The following NCOA7 variants were observed in gnomAD, a reference collection of about 807,000 sequenced individuals.
NCOA7 encodes the protein 140 kDa estrogen receptor-associated protein.
A neutral mutation model predicts 104.3 loss-of-function variants in NCOA7; 45 were observed. The ratio of observed to expected loss-of-function variants is 0.43; its 90% CI spans 0.34 to 0.55. The LOEUF (loss-of-function observed/expected upper bound fraction) is 0.55. Among genes scored for constraint, NCOA7 ranks in the 20% least tolerant of loss-of-function variants. The pLI is 0.02. For synonymous variants in NCOA7, 398 were observed against 402.3 expected, an observed-to-expected ratio of 0.99 and a Z score of 0.13; for missense variants, 1,041 against 1,119.7, an observed-to-expected ratio of 0.93 and a Z score of 1.00.
intron 2 of NCOA7, among the ~76,000 whole-genome samples, chr6:125,823,840 A>G (rs1778417685): frequency 1.3e-5 from 2 of 152,202 alleles, no homozygotes; most frequent in Admixed American, 1.3e-4. Context: ...TTAATGGAAC[A>G]GAACAGAATA....
upstream of NCOA7, among the ~76,000 whole-genome samples, chr6:125,789,764 C>T (rs1473076982): frequency 2.6e-5 from 4 of 152,240 alleles, no homozygotes; most frequent in African/African-American, 9.6e-5. Flanking sequence ...TTTGCTCCGC[C>T]TTCCAGAGAG....
At chr6:125,906,881 A>G (rs926231154) in intron 10 of NCOA7, among the ~76,000 whole-genome samples, 26 of 152,170 alleles carry the variant, frequency 1.7e-4, no homozygotes, top group African/African-American at 5.8e-4. Flanking sequence ...TAAACAAGGC[A>G]ACCCTAACCT....
chr6:125,818,322 C>G (rs1777795672), intron 2 of NCOA7, among the ~76,000 whole-genome samples: 1 of 152,114 alleles, frequency 6.6e-6, no homozygotes, highest in South Asian at 2.1e-4. Context: ...CAAAACTGTT[C>G]TGGAAGAGCA....
Position 125,885,293 on chromosome 6 carries a change from T to C in NCOA7, c.834T>C (p.Ile278=). 2 of 1,613,988 alleles carry C rather than the reference T, an allele frequency of 1.2e-6. 1 individual carries two copies. The highest frequency in any genetic ancestry group is 3.3e-5 in the Admixed American group (2 of 59,998). ...LICPMEEVVS[I]ALYNDISHMK... Reference sequence around the variant, plus strand: ...GCCCCATGGAAGAGGTTGTTTCCATTGCGCTCTACAATGACATTTCTCACA... The same window carrying C: ...GCCCCATGGAAGAGGTTGTTTCCATCGCGCTCTACAATGACATTTCTCACA... Residue 278 remains isoleucine (I), a synonymous_variant, in exon 8 of 16, where the codon ATT becomes ATC. Transcript: ENST00000392477.
upstream of NCOA7, among the ~76,000 whole-genome samples, chr6:125,788,566 T>A (rs1198066824): frequency 2.6e-5 from 4 of 151,358 alleles, no homozygotes; most frequent in African/African-American, 4.9e-5. Context: ...AGATGGAGTT[T>A]CGCTCTGTCA....
intron 10 of NCOA7, among the ~76,000 whole-genome samples, chr6:125,905,761 A>G (rs1165787300): frequency 2.0e-5 from 3 of 152,134 alleles, no homozygotes; most frequent in Admixed American, 2.0e-4. Context: ...TTGGGAATAA[A>G]TAAAATCCGA....
chr6:125,876,420 T>C (rs1205917628), intron 4 of NCOA7, among the ~76,000 whole-genome samples: 1 of 152,186 alleles, frequency 6.6e-6, no homozygotes, highest in Admixed American at 6.5e-5. Context: ...TACCTCAAAA[T>C]AGGCACTCAA....
chr6:125,798,898 CCTT>C (rs1775600094), intron 1 of NCOA7, among the ~76,000 whole-genome samples: 1 of 152,124 alleles, frequency 6.6e-6, no homozygotes. Flanking sequence ...TTCTCTTCCT[CCTT>C]TTAAAGCTAC....
intron 2 of NCOA7, among the ~76,000 whole-genome samples, chr6:125,849,776 A>G (rs888258141): frequency 3.3e-5 from 5 of 152,222 alleles, no homozygotes; most frequent in Admixed American, 2.6e-4. Context: ...TGTATTTTAA[A>G]GAAATACAAA....
At chr6:125,858,857 T>G (rs1781815761) in intron 3 of NCOA7, among the ~76,000 whole-genome samples, 1 of 152,090 alleles carries the variant, frequency 6.6e-6, no homozygotes, top group Non-Finnish European at 1.5e-5. Context: ...CCTGGCGTGT[T>G]TCTCAGTCCC....
chr6:125,882,972 A>T (rs994301364), intron 7 of NCOA7, among the ~76,000 whole-genome samples: 2 of 152,242 alleles, frequency 1.3e-5, no homozygotes, highest in African/African-American at 2.4e-5. Flanking sequence ...CAATAAAAAA[A>T]TTTAACTAAT....
chr6:125,919,862 G>A (rs565012742), intron 11 of NCOA7, among the ~76,000 whole-genome samples: 1 of 152,312 alleles, frequency 6.6e-6, no homozygotes, highest in Non-Finnish European at 1.5e-5. Context: ...TGGAAATTGA[G>A]TAGTGCACTA....
intron 2 of NCOA7, among the ~76,000 whole-genome samples, chr6:125,840,875 T>G (rs865946042): frequency 2.7e-3 from 43 of 16,064 alleles, no homozygotes; most frequent in Non-Finnish European, 2.4e-3. Flanking sequence ...TTGGTTTTTT[T>G]TTTTTTTTTT....
chr6:125,881,343 T>C lies in NCOA7; in HGVS notation c.573+140T>C. The C allele has an allele frequency of 1.0e-5, 7 of 692,454 alleles. 1 individual carries two copies. The South Asian group carries it at 1.1e-4, about 11-fold the overall frequency. The allele number at this position is 692,454 out of a possible 1,614,324, so 42.9% of individuals were successfully genotyped here. A position where few individuals can be genotyped will look rare whatever the true frequency, so the allele number is the denominator to read the frequency against. Reference sequence around the variant, plus strand: ...GATTAGGTAATTGGAGAATGCATCCTCTCCAAGGGAAACTTATTCACATTT... The same window carrying C: ...GATTAGGTAATTGGAGAATGCATCCCCTCCAAGGGAAACTTATTCACATTT... On this transcript the variant is annotated intron_variant, in intron 6 of 15. Transcript: ENST00000392477.
chr6:125,821,576 A>C (rs956653286), intron 2 of NCOA7, among the ~76,000 whole-genome samples: 2 of 152,208 alleles, frequency 1.3e-5, no homozygotes, highest in African/African-American at 2.4e-5. Flanking sequence ...ATAGGTTCTA[A>C]AGGTCTAACT....
intron 2 of NCOA7, among the ~76,000 whole-genome samples, chr6:125,815,991 A>G (rs78648311): frequency 6.6e-6 from 1 of 152,254 alleles, no homozygotes; most frequent in South Asian, 2.1e-4. Flanking sequence ...CTCACTAAAC[A>G]TAATAAAATG....
intron 4 of NCOA7, among the ~76,000 whole-genome samples, chr6:125,875,996 G>A (rs1479947209): frequency 6.6e-6 from 1 of 152,108 alleles, no homozygotes; most frequent in Non-Finnish European, 1.5e-5. Flanking sequence ...ACAAAGTGGG[G>A]ACTCAGTTGT....
intron 2 of NCOA7, among the ~76,000 whole-genome samples, chr6:125,820,900 G>A (rs553191486): frequency 6.6e-6 from 1 of 152,294 alleles, no homozygotes; most frequent in Admixed American, 6.5e-5. Flanking sequence ...AAAGGGCCTT[G>A]AGAAACCTAA....
rs145754475 is a variant in NCOA7 at position 125,862,539 on chromosome 6, G to A, written c.271+7299G>A. ...CTTAAACAAATTTATGAACAAATTAGGTCATTTTGGCAGTGCCCACGTGAA... is the reference window on the plus strand; with the variant it reads ...CTTAAACAAATTTATGAACAAATTAAGTCATTTTGGCAGTGCCCACGTGAA... On this transcript the variant is annotated intron_variant, in intron 3 of 15. Transcript: ENST00000392477. Among the ~76,000 whole-genome samples, 401 of 138,346 alleles carry A rather than the reference G, an allele frequency of 2.9e-3. 101 individuals carry two copies. Among genetic ancestry groups the A allele is most frequent in the African/African-American group, 0.011 (358 of 33,312 alleles). The allele number at this position is 138,346 out of a possible 152,430, so 90.8% of individuals were successfully genotyped here. A position where few individuals can be genotyped will look rare whatever the true frequency, so the allele number is the denominator to read the frequency against.
Sources: allele counts gnomAD v4.1 joint callset (sites outside exome capture counted in the v4.1 genomes callset), GRCh38; gene constraint gnomAD v4.1.1; transcripts MANE v1.5; gene names NCBI Gene and HGNC (gene_info 2026-07-23, HGNC 2026-07-21).